EYS: variants seen among roughly 807,000 people sequenced by gnomAD.
The protein encoded by EYS is protein eyes shut homolog.
Under a neutral mutation model 282.1 loss-of-function variants are expected in EYS, and 250 were observed. The ratio of observed to expected loss-of-function variants is 0.89; its 90% CI spans 0.80 to 0.98. The LOEUF is 0.98. Ranked by LOEUF, EYS falls within the 50% of genes least tolerant of loss-of-function variation. The probability of loss-of-function intolerance (pLI) is 0.00; values close to 1 mark genes in which losing one functional copy is unlikely to be tolerated. For missense variants in EYS, 4,016 were observed against 3,709.0 expected, an observed-to-expected ratio of 1.08 and a Z score of -2.15; for synonymous variants, 1,355 against 1,282.9, an observed-to-expected ratio of 1.06 and a Z score of -1.20.
chr6:64,613,100 T>C (rs1370337147), intron 24 of EYS, among the ~76,000 whole-genome samples: 1 of 152,184 alleles, frequency 6.6e-6, no homozygotes, highest in Non-Finnish European at 1.5e-5. Context: ...ACAGATTGCA[T>C]GTGCTACTGT....
chr6:64,169,431 G>GTTTTTTTTTTTTTTTTTTTTTTTTTTTTT (rs35657029), intron 31 of EYS, among the ~76,000 whole-genome samples: 20 of 140,984 alleles, frequency 1.4e-4, no homozygotes, highest in African/African-American at 5.2e-4. Flanking sequence ...TTGAGGAGGA[G>GTTTTTTTTTTTTTTTTTTTTTTTTTTTTT]TTTTTTTTTT....
chr6:65,125,119 G>A (rs1775681062), intron 12 of EYS, among the ~76,000 whole-genome samples: 1 of 152,138 alleles, frequency 6.6e-6, no homozygotes, highest in Non-Finnish European at 1.5e-5. Context: ...AGTATTTCCT[G>A]CAACACATTA....
intron 2 of EYS, among the ~76,000 whole-genome samples, chr6:65,524,652 G>A (rs1174517512): frequency 2.6e-5 from 4 of 152,094 alleles, no homozygotes; most frequent in Non-Finnish European, 5.9e-5. Context: ...CTATGAGTGT[G>A]GTTTCACTGC....
At chr6:65,660,771 T>C (rs1767977704) in intron 1 of EYS, among the ~76,000 whole-genome samples, 1 of 151,886 alleles carries the variant, frequency 6.6e-6, no homozygotes, top group Non-Finnish European at 1.5e-5. Flanking sequence ...TCTTGATAAT[T>C]CATTTTATTT....
intron 12 of EYS, among the ~76,000 whole-genome samples, chr6:65,259,639 T>G (rs1263911833): frequency 6.6e-6 from 1 of 152,076 alleles, no homozygotes; most frequent in Non-Finnish European, 1.5e-5. Context: ...TATTGGTTTG[T>G]TTTGTTTGTT....
At chr6:65,479,494 A>G (rs949216438) in intron 5 of EYS, among the ~76,000 whole-genome samples, 1 of 152,208 alleles carries the variant, frequency 6.6e-6, no homozygotes, top group Non-Finnish European at 1.5e-5. Context: ...ATAAAAATAG[A>G]CCAATAGAAT....
At chr6:64,303,307 G>T (rs1483711144) in intron 30 of EYS, among the ~76,000 whole-genome samples, 1 of 152,266 alleles carries the variant, frequency 6.6e-6, no homozygotes, top group Non-Finnish European at 1.5e-5. Flanking sequence ...GATTGGAAAA[G>T]AATGTTGCTA....
At chr6:65,342,685 T>C (rs1012963261) in intron 10 of EYS, among the ~76,000 whole-genome samples, 3 of 150,778 alleles carry the variant, frequency 2.0e-5, no homozygotes, top group African/African-American at 7.2e-5. Flanking sequence ...TGTGTATTTA[T>C]ATTTATTTTG....
At chr6:65,057,191 A>C (rs562537266) in intron 13 of EYS, among the ~76,000 whole-genome samples, 2 of 152,154 alleles carry the variant, frequency 1.3e-5, no homozygotes, top group Admixed American at 1.3e-4. Flanking sequence ...TCCTGAACTG[A>C]AGTTGAAGAA....
intron 35 of EYS, among the ~76,000 whole-genome samples, chr6:63,915,045 T>A (rs1764385891): frequency 6.6e-6 from 1 of 152,204 alleles, no homozygotes; most frequent in South Asian, 2.1e-4. Context: ...GTGGCTACAC[T>A]AAACAATAGA....
At chr6:65,044,574 T>A (rs1277508052) in intron 13 of EYS, among the ~76,000 whole-genome samples, 1 of 151,866 alleles carries the variant, frequency 6.6e-6, no homozygotes, top group African/African-American at 2.4e-5. Flanking sequence ...TGCTGATATG[T>A]TGCATTGTCT....
intron 26 of EYS, among the ~76,000 whole-genome samples, chr6:64,576,489 G>A (rs888324967): frequency 6.6e-6 from 1 of 151,946 alleles, no homozygotes; most frequent in East Asian, 1.9e-4. Context: ...GCCAGAGGGG[G>A]AAAAATACCA....
At chr6:64,131,657 T>C (rs1044083609) in intron 31 of EYS, among the ~76,000 whole-genome samples, 6 of 152,154 alleles carry the variant, frequency 3.9e-5, no homozygotes. Context: ...GCTGTGAGAC[T>C]GAATATGCAG....
chr6:63,853,093 C>T (rs1472440985), intron 36 of EYS, among the ~76,000 whole-genome samples: 1 of 152,186 alleles, frequency 6.6e-6, no homozygotes, highest in Non-Finnish European at 1.5e-5. Context: ...TGCCCTCTCT[C>T]ACCACTCCTA....
chr6:64,872,706 T>A (rs2150055037), intron 19 of EYS, among the ~76,000 whole-genome samples: 1 of 152,122 alleles, frequency 6.6e-6, no homozygotes, highest in South Asian at 2.1e-4. Context: ...ATCAAAATTA[T>A]GATAGTGAGA....
chr6:64,207,687 A>T (rs1402326674), intron 31 of EYS, among the ~76,000 whole-genome samples: 2 of 148,436 alleles, frequency 1.3e-5, no homozygotes, highest in East Asian at 4.0e-4. Context: ...TTTTTGAGGG[A>T]GTCTGTGTCA....
At chr6:64,726,473 T>G (rs1771760627) in intron 22 of EYS, among the ~76,000 whole-genome samples, 1 of 152,134 alleles carries the variant, frequency 6.6e-6, no homozygotes, top group Admixed American at 6.5e-5. Flanking sequence ...GGCTCATGAC[T>G]TAGTAGCTAA....
intron 29 of EYS, among the ~76,000 whole-genome samples, chr6:64,341,919 A>C (rs765541968): frequency 7.3e-5 from 11 of 151,668 alleles, no homozygotes; most frequent in Non-Finnish European, 1.3e-4. Flanking sequence ...ATATTATTTA[A>C]TAATGGAGGA....
At chr6:64,256,777 C>G (rs1477422671) in intron 30 of EYS, among the ~76,000 whole-genome samples, 1 of 152,004 alleles carries the variant, frequency 6.6e-6, no homozygotes, top group Non-Finnish European at 1.5e-5. Context: ...GGAACATGAC[C>G]TACCATTTAT....
Sources: allele counts gnomAD v4.1 joint callset (sites outside exome capture counted in the v4.1 genomes callset), GRCh38; gene constraint gnomAD v4.1.1; transcripts MANE v1.5; gene names NCBI Gene and HGNC (gene_info 2026-07-23, HGNC 2026-07-21).